DOP1A: variants seen among roughly 807,000 people sequenced by gnomAD.
DOP1A encodes DOP1 leucine zipper like protein A, also known as protein DOP1A.
In DOP1A, 90 loss-of-function variants were observed where a neutral mutation model predicts 267.6. The ratio of observed to expected loss-of-function variants is 0.34; its 90% CI spans 0.28 to 0.40. The LOEUF (loss-of-function observed/expected upper bound fraction) is 0.40, where lower values mean the gene tolerates loss of function less well. Ranked by LOEUF, DOP1A falls within the 10% of genes least tolerant of loss-of-function variation. The pLI is 1.00. For synonymous variants in DOP1A, 932 were observed against 999.1 expected, an observed-to-expected ratio of 0.93 and a Z score of 1.27; for missense variants, 2,437 against 2,900.4, an observed-to-expected ratio of 0.84 and a Z score of 3.67.
intron 7 of DOP1A, 123 bp downstream of exon 7, chr6:83,113,544 A>C (rs1774916577): frequency 1.4e-6 from 1 of 689,854 alleles, no homozygotes; most frequent in African/African-American, 1.8e-5. Context: ...AAGCGCATGG[A>C]AAATAAGTTC....
At chr6:83,145,691 A>G (rs778860832) in intron 25 of DOP1A, 33 bp downstream of exon 25, 24 of 1,599,512 alleles carry the variant, frequency 1.5e-5, no homozygotes, top group Non-Finnish European at 2.0e-5. Flanking sequence ...ATGTGTTTAC[A>G]ATTCTGTTTC....
intron 1 of DOP1A, among the ~76,000 whole-genome samples, chr6:83,077,018 TA>T (rs1767216028): frequency 6.6e-6 from 1 of 152,158 alleles, no homozygotes; most frequent in East Asian, 1.9e-4. Flanking sequence ...CCAGTTATAA[TA>T]AAAAGACCCA....
downstream of DOP1A, chr6:83,168,689 C>T (rs1786419103): frequency 1.6e-5 from 16 of 995,714 alleles, no homozygotes; most frequent in South Asian, 8.9e-5. Context: ...ATCTCCACCT[C>T]AGTATGGAAG....
At chr6:83,155,877 A>G in intron 33 of DOP1A, 74 bp from the exon 34 acceptor site, 3 of 1,522,428 alleles carry the variant, frequency 2.0e-6, no homozygotes, top group Non-Finnish European at 8.8e-7. Flanking sequence ...TAGAGCATCT[A>G]GCTATTTTAA....
intron 38 of DOP1A, among the ~76,000 whole-genome samples, 185 bp downstream of exon 38, chr6:83,163,104 A>G (rs1562389777): frequency 6.6e-6 from 1 of 152,164 alleles, no homozygotes; most frequent in Non-Finnish European, 1.5e-5. Flanking sequence ...AACATATCGT[A>G]TGTATTTTAA....
intron 1 of DOP1A, among the ~76,000 whole-genome samples, chr6:83,092,122 C>T (rs969088564): frequency 1.3e-5 from 2 of 152,030 alleles, no homozygotes; most frequent in Non-Finnish European, 2.9e-5. Context: ...TTGTATCTGA[C>T]ATACATACAG....
Position 83,157,210 on chromosome 6 carries a change from A to G in DOP1A, c.6633A>G (p.Pro2211=). ...QERLVESLRL[P]QVPTLHSQVF... ...GATTGGTTGAGAGTCTCCGTTTGCC[A>G]CAGGTGCCAACTCTCCATTCTCAAG... Residue 2211 remains proline, a synonymous_variant, in exon 35 of 39, where the codon CCA becomes CCG. Transcript: ENST00000349129. The G allele has an allele frequency of 1.2e-6, 2 of 1,613,682 alleles. No homozygotes were observed. Among genetic ancestry groups the G allele is most frequent in the Middle Eastern group, 1.7e-4 (1 of 6,056 alleles).
intron 7 of DOP1A, among the ~76,000 whole-genome samples, chr6:83,116,168 A>G (rs1775401171): frequency 6.6e-6 from 1 of 152,186 alleles, no homozygotes; most frequent in Non-Finnish European, 1.5e-5. Flanking sequence ...ATATTCTTTG[A>G]TATTATACCA....
In DOP1A at chr6:83,121,870, G is replaced by A. The variant is rs534079424; in HGVS notation, c.1100-60G>A. 8.0e-6 allele frequency: 12 copies of A among 1,493,696 alleles called. No individual in the cohort carries two copies. The East Asian group carries it at 2.6e-4, about 32-fold the overall frequency. The allele number at this position is 1,493,696 out of a possible 1,614,324, so 92.5% of individuals were successfully genotyped here. On this transcript the variant is annotated intron_variant, in intron 10 of 38. Transcript: ENST00000349129. ...CATTGTTTCATTGGGCCAATTTTCAGATAAGCATGATTTGCTCATGCTGAT... is the reference window on the plus strand; with the variant it reads ...CATTGTTTCATTGGGCCAATTTTCAAATAAGCATGATTTGCTCATGCTGAT...
intron 7 of DOP1A, among the ~76,000 whole-genome samples, 165 bp downstream of exon 7, chr6:83,113,586 AAACT>A (rs1774926154): frequency 6.6e-6 from 1 of 152,214 alleles, no homozygotes; most frequent in Admixed American, 6.6e-5. Flanking sequence ...TTGTGAAAAA[AAACT>A]AAAGATAAAA....
intron 3 of DOP1A, among the ~76,000 whole-genome samples, chr6:83,099,244 C>A (rs1386393783): frequency 6.6e-6 from 1 of 152,168 alleles, no homozygotes; most frequent in African/African-American, 2.4e-5. Flanking sequence ...GACAGATAAT[C>A]ACTTTGATAC....
chr6:83,096,798 G>A lies in DOP1A; in HGVS notation c.-79G>A, dbSNP rs951839216. 5.2e-6 allele frequency: 3 copies of A among 581,058 alleles called. No individual in the cohort carries two copies. Among genetic ancestry groups the A allele is most frequent in the Non-Finnish European group, 8.7e-6 (3 of 345,796 alleles). 36.0% of individuals were successfully genotyped at this position (581,058 alleles called of 1,614,324 possible). On this transcript the variant is annotated 5_prime_UTR_variant, in exon 2 of 39. It removes the in-frame stop codon of an upstream open reading frame in the 5' UTR. Coordinates refer to ENST00000349129, the MANE Select transcript of DOP1A (RefSeq NM_015018.4). ...ACTTCCATGACCCTGAACACTAGCTGAGGAGAGTTTCAACCACTGCTAACA... is the reference window on the plus strand; with the variant it reads ...ACTTCCATGACCCTGAACACTAGCTAAGGAGAGTTTCAACCACTGCTAACA...
At chr6:83,132,862 A>G (rs1778294858) in intron 18 of DOP1A, among the ~76,000 whole-genome samples, 1 of 152,174 alleles carries the variant, frequency 6.6e-6, no homozygotes, top group Non-Finnish European at 1.5e-5. Context: ...AATTAGCCTG[A>G]GAAGAAGCTG....
intron 3 of DOP1A, among the ~76,000 whole-genome samples, chr6:83,097,617 G>T (rs1255799512): frequency 6.6e-6 from 1 of 152,126 alleles, no homozygotes; most frequent in Non-Finnish European, 1.5e-5. Context: ...CTTGCAGCTT[G>T]TCCTTGAGTA....
At chr6:83,111,180 C>T (rs1263175348) in intron 6 of DOP1A, among the ~76,000 whole-genome samples, 1 of 152,024 alleles carries the variant, frequency 6.6e-6, no homozygotes, top group Non-Finnish European at 1.5e-5. Flanking sequence ...GAACTCCTGA[C>T]CTCAGGTAAT....
At chr6:83,167,588 C>T (rs529373953) in intron 38 of DOP1A, 2 of 1,138,094 alleles carry the variant, frequency 1.8e-6, no homozygotes, top group African/African-American at 3.2e-5. Context: ...ATGTTTGACT[C>T]TATTCCTGTT....
intron 34 of DOP1A, among the ~76,000 whole-genome samples, 173 bp from the exon 35 acceptor site, chr6:83,157,005 CTTTG>C (rs1196482468): frequency 3.9e-5 from 6 of 152,238 alleles, no homozygotes; most frequent in Admixed American, 2.6e-4. Context: ...TTTTGTGTAT[CTTTG>C]TTTAATTGGA....
intron 1 of DOP1A, among the ~76,000 whole-genome samples, chr6:83,075,708 G>A (rs1766971329): frequency 6.6e-6 from 1 of 152,192 alleles, no homozygotes; most frequent in Non-Finnish European, 1.5e-5. Context: ...CGGTCCAACA[G>A]TGTTTGACAA....
chr6:83,166,059 C>A (rs1785443301), intron 38 of DOP1A: 2 of 298,518 alleles, frequency 6.7e-6, no homozygotes, highest in Non-Finnish European at 6.2e-6. Context: ...ATAAAATCCA[C>A]CTTTTGGCAC....
Sources: allele counts gnomAD v4.1 joint callset (sites outside exome capture counted in the v4.1 genomes callset), GRCh38; gene constraint gnomAD v4.1.1; transcripts MANE v1.5; gene names NCBI Gene and HGNC (gene_info 2026-07-23, HGNC 2026-07-21).